Variants in MALRD1 observed in about 807,000 individuals in gnomAD.
The protein encoded by MALRD1 is MAM and LDL-receptor class A domain-containing protein 1.
Under a neutral mutation model 242.1 loss-of-function variants are expected in MALRD1, and 247 were observed. The observed-to-expected ratio is 1.02, with a 90% CI of 0.92 to 1.13. The LOEUF (loss-of-function observed/expected upper bound fraction) is 1.13. MALRD1 is among the 50% of genes most tolerant of loss of function. The pLI, the probability that MALRD1 is intolerant of heterozygous loss-of-function variation, is 0.00. For synonymous variants in MALRD1, 995 were observed against 866.6 expected (o/e 1.15, Z -2.60); for missense variants, 2,989 against 2,533.1 (o/e 1.18, Z -3.86).
chr10:19,065,329 A>C (rs1834944776), intron 1 of MALRD1, among the ~76,000 whole-genome samples: 1 of 151,566 alleles, frequency 6.6e-6, no homozygotes, highest in African/African-American at 2.4e-5. Flanking sequence ...AAAGAGAAAG[A>C]AAGCAAGCGA....
At chr10:19,221,117 T>G (rs1235078722) in intron 18 of MALRD1, among the ~76,000 whole-genome samples, 1 of 152,134 alleles carries the variant, frequency 6.6e-6, no homozygotes, top group Non-Finnish European at 1.5e-5. Flanking sequence ...TGGCATAATT[T>G]TTTTAAAAAA....
At chr10:19,466,080 T>C (rs922379341) in intron 29 of MALRD1, among the ~76,000 whole-genome samples, 1 of 152,170 alleles carries the variant, frequency 6.6e-6, no homozygotes, top group Admixed American at 6.5e-5. Flanking sequence ...GGGTTGAATG[T>C]TTTTTAAAGA....
intron 18 of MALRD1, among the ~76,000 whole-genome samples, chr10:19,243,330 G>A (rs975024511): frequency 5.9e-5 from 9 of 151,970 alleles, no homozygotes; most frequent in African/African-American, 1.9e-4. Flanking sequence ...CATTAAAGCA[G>A]CCCAAAGAAT....
At chr10:19,729,297 A>G (rs1293825218) in intron 38 of MALRD1, among the ~76,000 whole-genome samples, 11 of 152,264 alleles carry the variant, frequency 7.2e-5, no homozygotes, top group African/African-American at 2.2e-4. Context: ...TCAAATCAGT[A>G]AGAGCCCCCT....
chr10:19,200,350 C>T (rs962693704), intron 14 of MALRD1, among the ~76,000 whole-genome samples: 1 of 152,092 alleles, frequency 6.6e-6, no homozygotes, highest in Admixed American at 6.5e-5. Flanking sequence ...TTTTGTTTTT[C>T]TCACTCAACA....
At chr10:19,578,322 G>C (rs1389205812) in intron 33 of MALRD1, among the ~76,000 whole-genome samples, 2 of 152,176 alleles carry the variant, frequency 1.3e-5, no homozygotes, top group African/African-American at 2.4e-5. Context: ...TCAACAAACA[G>C]TGACTGTGTA....
chr10:19,487,040 C>A (rs1050938119), intron 29 of MALRD1, among the ~76,000 whole-genome samples: 7 of 152,078 alleles, frequency 4.6e-5, no homozygotes, highest in African/African-American at 9.7e-5. Context: ...GTCTTTACAT[C>A]TCTGTTTGTC....
intron 22 of MALRD1, among the ~76,000 whole-genome samples, chr10:19,326,863 G>C (rs1843156635): frequency 6.6e-6 from 1 of 152,026 alleles, no homozygotes; most frequent in African/African-American, 2.4e-5. Flanking sequence ...AATACACTGT[G>C]TAAGTCAGTT....
chr10:19,256,030 C>T (rs1230113633), intron 18 of MALRD1, among the ~76,000 whole-genome samples: 1 of 152,054 alleles, frequency 6.6e-6, no homozygotes, highest in Non-Finnish European at 1.5e-5. Context: ...ATCCCTAAAG[C>T]TGGTTTCCAG....
At chr10:19,661,270 C>G (rs1301457516) in intron 36 of MALRD1, among the ~76,000 whole-genome samples, 1 of 152,164 alleles carries the variant, frequency 6.6e-6, no homozygotes. Context: ...TTTGTTCCAG[C>G]CATCCCATTA....
chr10:19,588,579 T>C (rs1438807934), intron 33 of MALRD1, among the ~76,000 whole-genome samples: 109 of 152,210 alleles, frequency 7.2e-4, no homozygotes, highest in Non-Finnish European at 1.5e-5. Context: ...TTCTGTTGTT[T>C]CAGAATCCTT....
intron 38 of MALRD1, among the ~76,000 whole-genome samples, chr10:19,723,421 TAAAA>T (rs771954963): frequency 6.6e-6 from 1 of 151,976 alleles, no homozygotes; most frequent in Non-Finnish European, 1.5e-5. Flanking sequence ...CCCTTTCACT[TAAAA>T]AAATCTGTGC....
intron 28 of MALRD1, among the ~76,000 whole-genome samples, chr10:19,397,006 A>C (rs562688608): frequency 6.6e-6 from 1 of 152,132 alleles, no homozygotes; most frequent in South Asian, 2.1e-4. Flanking sequence ...GTGGGGTACA[A>C]TGTGATGTTT....
intron 1 of MALRD1, among the ~76,000 whole-genome samples, chr10:19,063,808 C>T (rs1224670098): frequency 5.4e-5 from 2 of 37,018 alleles, no homozygotes; most frequent in African/African-American, 1.1e-4. Context: ...TGGGGGGAGG[C>T]GGGAGGGATA....
At chr10:19,167,014 A>G (rs1033462494) in intron 13 of MALRD1, among the ~76,000 whole-genome samples, 1 of 152,182 alleles carries the variant, frequency 6.6e-6, no homozygotes, top group Non-Finnish European at 1.5e-5. Context: ...CTGAATATTA[A>G]AGATAATATA....
chr10:19,671,775 T>C (rs1841932100), intron 36 of MALRD1, among the ~76,000 whole-genome samples: 1 of 152,206 alleles, frequency 6.6e-6, no homozygotes, highest in Non-Finnish European at 1.5e-5. Context: ...ATTCTATACA[T>C]TTTTAATTTA....
chr10:19,175,366 T>G lies in MALRD1; in HGVS notation c.1951+38T>G, dbSNP rs571478528. On this transcript the variant is annotated intron_variant, in intron 14 of 39. Transcript: ENST00000454679. ...TTGTCGTTGTTGCTGTTTTAAACAT[T>G]GAATTAAGCTCTTCTCAGTATCAAA... 3.2e-5 allele frequency: 39 copies of G among 1,218,744 alleles called. No individual in the cohort carries two copies. The South Asian group carries it at 1.3e-3, about 41-fold the overall frequency. 75.5% of individuals were successfully genotyped at this position (1,218,744 alleles called of 1,614,324 possible). A position where few individuals can be genotyped will look rare whatever the true frequency, so the allele number is the denominator to read the frequency against.
chr10:19,430,963 G>A (rs1156325863), intron 28 of MALRD1, among the ~76,000 whole-genome samples: 1 of 152,110 alleles, frequency 6.6e-6, no homozygotes, highest in Non-Finnish European at 1.5e-5. Context: ...AATTTATCAT[G>A]TTGGGATTCT....
chr10:19,190,313 A>T (rs75136980), intron 14 of MALRD1, among the ~76,000 whole-genome samples: 1,540 of 152,222 alleles, frequency 0.01, 27 homozygotes, highest in African/African-American at 0.035. Flanking sequence ...AAATATAGAT[A>T]ATGAAAAGAC....
Sources: gnomAD v4.1 joint callset for allele counts (sites outside exome capture counted in the v4.1 genomes callset) on GRCh38, gnomAD v4.1.1 for gene constraint, MANE v1.5 for transcripts, NCBI Gene and HGNC (gene_info 2026-07-23, HGNC 2026-07-21) for gene names.